Variants in BLNK observed in about 807,000 individuals in gnomAD.
BLNK encodes B cell linker, also known as B-cell linker protein.
Under a neutral mutation model 73.5 loss-of-function variants are expected in BLNK, and 29 were observed. The observed-to-expected ratio is 0.39, with a 90% confidence interval of 0.29 to 0.54. The LOEUF (loss-of-function observed/expected upper bound fraction) is 0.54, where lower values mean the gene tolerates loss of function less well. Among genes scored for constraint, BLNK ranks in the 20% least tolerant of loss-of-function variants. The probability of loss-of-function intolerance (pLI) is 0.61; values close to 1 mark genes in which losing one functional copy is unlikely to be tolerated. For missense variants in BLNK, 460 were observed against 562.8 expected (o/e 0.82, Z 1.85); for synonymous variants, 176 against 200.8 (o/e 0.88, Z 1.04).
chr10:96,199,144 A>T (rs2083558295), intron 15 of BLNK, among the ~76,000 whole-genome samples: 1 of 152,236 alleles, frequency 6.6e-6, no homozygotes, highest in African/African-American at 2.4e-5. Context: ...TAATATATTT[A>T]CTTGTAGAGC....
intron 3 of BLNK, among the ~76,000 whole-genome samples, chr10:96,242,169 C>T (rs1842901510): frequency 6.6e-6 from 1 of 152,180 alleles, no homozygotes; most frequent in Non-Finnish European, 1.5e-5. Flanking sequence ...CCGTACCGTT[C>T]TGGTGGCAGT....
At chr10:96,204,816 G>C in intron 11 of BLNK, 200 bp from the exon 12 acceptor site, 1 of 574,278 alleles carries the variant, frequency 1.7e-6, no homozygotes, top group Non-Finnish European at 3.2e-6. Flanking sequence ...CTCCCTCCCA[G>C]CAGTGTTACA....
chr10:96,251,459 T>G (rs1428706083), intron 1 of BLNK, among the ~76,000 whole-genome samples: 1 of 152,212 alleles, frequency 6.6e-6, no homozygotes, highest in African/African-American at 2.4e-5. Flanking sequence ...GAGTTGTGTG[T>G]AGGTAAAGAT....
At chr10:96,232,263 C>G (rs1194131697) in intron 3 of BLNK, among the ~76,000 whole-genome samples, 2 of 151,970 alleles carry the variant, frequency 1.3e-5, no homozygotes, top group Non-Finnish European at 2.9e-5. Flanking sequence ...TCCTAAATTT[C>G]CCAGAACCTC....
At chr10:96,260,506 G>A (rs539812617) in intron 1 of BLNK, among the ~76,000 whole-genome samples, 20 of 152,148 alleles carry the variant, frequency 1.3e-4, no homozygotes, top group Non-Finnish European at 2.5e-4. Flanking sequence ...ATTTGAATAT[G>A]TTCTTTTAAA....
chr10:96,211,220 C>T (rs781985944), intron 8 of BLNK, among the ~76,000 whole-genome samples: 1 of 152,120 alleles, frequency 6.6e-6, no homozygotes. Context: ...GGACCTGCTG[C>T]CCTCAGTCTG....
chr10:96,236,001 G>A (rs1842675433), intron 3 of BLNK, among the ~76,000 whole-genome samples: 1 of 152,068 alleles, frequency 6.6e-6, no homozygotes, highest in African/African-American at 2.4e-5. Flanking sequence ...CTCAGGCATG[G>A]AAAGACGAAA....
intron 6 of BLNK, among the ~76,000 whole-genome samples, chr10:96,219,015 A>G (rs1554900454): frequency 1.3e-5 from 2 of 152,184 alleles, no homozygotes. Flanking sequence ...GGGGGAGTTA[A>G]TTGCTGAATC....
chr10:96,249,411 G>T (rs1007290598), intron 1 of BLNK, among the ~76,000 whole-genome samples: 2 of 152,248 alleles, frequency 1.3e-5, no homozygotes, highest in Non-Finnish European at 2.9e-5. Context: ...GCCTGGGCAG[G>T]CCTGTGGGTG....
At chr10:96,218,188 C>T (rs1254290072) in intron 6 of BLNK, among the ~76,000 whole-genome samples, 4 of 152,180 alleles carry the variant, frequency 2.6e-5, no homozygotes, top group Admixed American at 1.3e-4. Context: ...GTTTTTACCA[C>T]CTGCCCTGGT....
chr10:96,263,660 A>C (rs569419490), intron 1 of BLNK, among the ~76,000 whole-genome samples: 2 of 152,156 alleles, frequency 1.3e-5, no homozygotes, highest in Non-Finnish European at 2.9e-5. Flanking sequence ...GTGGTGAAAT[A>C]AGGAGGAGGA....
chr10:96,205,065 G>A (rs1487379794), intron 11 of BLNK: 1 of 209,198 alleles, frequency 4.8e-6, no homozygotes, highest in Non-Finnish European at 9.8e-6. Flanking sequence ...ACTGATAAGA[G>A]GCACACTACT....
chr10:96,213,177 G>A (rs587659191), intron 8 of BLNK, among the ~76,000 whole-genome samples: 10 of 152,176 alleles, frequency 6.6e-5, no homozygotes, highest in South Asian at 2.1e-4. Context: ...CCACAGTCTC[G>A]GCACCTCCCC....
intron 1 of BLNK, among the ~76,000 whole-genome samples, chr10:96,264,296 G>T (rs1214088441): frequency 6.6e-6 from 1 of 152,154 alleles, no homozygotes; most frequent in Non-Finnish European, 1.5e-5. Flanking sequence ...GGCAGTAGCG[G>T]TACCTCTCTG....
intron 1 of BLNK, among the ~76,000 whole-genome samples, chr10:96,253,371 A>G (rs782450665): frequency 3.5e-4 from 53 of 152,166 alleles, no homozygotes; most frequent in Non-Finnish European, 6.5e-4. Flanking sequence ...CCACATGGCA[A>G]TCTGAGACCA....
chr10:96,252,101 G>A (rs2134108378), intron 1 of BLNK, among the ~76,000 whole-genome samples: 1 of 152,064 alleles, frequency 6.6e-6, no homozygotes, highest in Non-Finnish European at 1.5e-5. Flanking sequence ...GCCCAGGCTG[G>A]GGTGCAATGG....
intron 3 of BLNK, among the ~76,000 whole-genome samples, chr10:96,235,102 G>A (rs1022222908): frequency 6.6e-6 from 1 of 152,218 alleles, no homozygotes; most frequent in East Asian, 1.9e-4. Context: ...CCAGACACAA[G>A]GAGATGTGAG....
chr10:96,224,017 C>T, intron 5 of BLNK, 28 bp from the exon 6 acceptor site: 3 of 1,611,896 alleles, frequency 1.9e-6, no homozygotes, highest in Non-Finnish European at 2.5e-6. Context: ...AAAAACATAA[C>T]ATAAAAGAGG....
In BLNK at chr10:96,262,683, G is replaced by A. The variant is rs1300767705; in HGVS notation, c.47+8669C>T. Among the ~76,000 whole-genome samples, 4 of 152,266 alleles carry A rather than the reference G, an allele frequency of 2.6e-5. No homozygotes were observed. The East Asian group carries it at 5.8e-4, about 22-fold the overall frequency. On this transcript the variant is annotated intron_variant, in intron 1 of 16. Transcript: ENST00000224337. ...TAACTCACTCTCAGATTACATGAAC[G>A]ATTGTGGGAGCATTCTTTGCAAAAT...
Sources: gnomAD v4.1 joint callset for allele counts (sites outside exome capture counted in the v4.1 genomes callset) on GRCh38, gnomAD v4.1.1 for gene constraint, MANE v1.5 for transcripts, NCBI Gene and HGNC (gene_info 2026-07-23, HGNC 2026-07-21) for gene names.